The following CNTN4 variants were observed in gnomAD, a reference collection of about 807,000 sequenced individuals.
CNTN4 encodes contactin-4.
CNTN4 carries 77 observed loss-of-function variants against 122.5 expected under a neutral mutation model. That is an observed-to-expected ratio of 0.63 (90% CI 0.52 to 0.76). The LOEUF (loss-of-function observed/expected upper bound fraction) is 0.76. Ranked by LOEUF, CNTN4 falls within the 30% of genes least tolerant of loss-of-function variation. The pLI, the probability that CNTN4 is intolerant of heterozygous loss-of-function variation, is 0.00. For synonymous variants in CNTN4, 512 were observed against 447.0 expected, an observed-to-expected ratio of 1.15 and a Z score of -1.83; for missense variants, 1,256 against 1,259.1, an observed-to-expected ratio of 1.00 and a Z score of 0.04.
intron 2 of CNTN4, among the ~76,000 whole-genome samples, chr3:2,316,919 A>C (rs962915008): frequency 6.6e-5 from 10 of 152,132 alleles, no homozygotes; most frequent in African/African-American, 1.4e-4. Flanking sequence ...ACACCAATTA[A>C]GTTGACAGTG....
chr3:2,745,762 C>T lies in CNTN4; in HGVS notation c.358+65C>T, dbSNP rs1005509245. The T allele has an allele frequency of 2.2e-5, 31 of 1,405,018 alleles. No individual in the cohort carries two copies. The African/African-American group carries it at 3.7e-4, about 17-fold the overall frequency. 87.0% of individuals were successfully genotyped at this position (1,405,018 alleles called of 1,614,324 possible). Reference sequence around the variant, plus strand: ...GTTTGTGTACCATTATACCAATAAGCTTTTATAGCAGTTTCATTTTAGAGA... The same window carrying T: ...GTTTGTGTACCATTATACCAATAAGTTTTTATAGCAGTTTCATTTTAGAGA... On this transcript the variant is annotated intron_variant, in intron 6 of 24. Coordinates refer to ENST00000418658, the MANE Select transcript of CNTN4 (RefSeq NM_175607.3).
intron 2 of CNTN4, among the ~76,000 whole-genome samples, chr3:2,114,090 A>T (rs2033168649): frequency 6.6e-6 from 1 of 152,176 alleles, no homozygotes; most frequent in Non-Finnish European, 1.5e-5. Context: ...CATCGAGATG[A>T]TGGGAAAGAA....
chr3:2,770,164 G>T (rs1480067567), intron 6 of CNTN4, among the ~76,000 whole-genome samples: 1 of 151,992 alleles, frequency 6.6e-6, no homozygotes, highest in East Asian at 1.9e-4. Flanking sequence ...CGAGTAGCTG[G>T]GACTACAGGC....
chr3:2,589,695 C>T (rs1294496968), intron 4 of CNTN4, among the ~76,000 whole-genome samples: 1 of 152,224 alleles, frequency 6.6e-6, no homozygotes, highest in Non-Finnish European at 1.5e-5. Context: ...TCAGCTGGGG[C>T]TGCGGTTGCT....
intron 2 of CNTN4, among the ~76,000 whole-genome samples, chr3:2,194,648 T>G (rs1380002603): frequency 6.6e-6 from 1 of 151,918 alleles, no homozygotes; most frequent in Non-Finnish European, 1.5e-5. Flanking sequence ...CATACTGGAG[T>G]AGGGTGGGCC....
At chr3:2,300,017 C>G (rs952924288) in intron 2 of CNTN4, among the ~76,000 whole-genome samples, 11 of 152,032 alleles carry the variant, frequency 7.2e-5, no homozygotes, top group African/African-American at 2.7e-4. Flanking sequence ...GAAGGTAAGT[C>G]CCATAACAGC....
chr3:2,231,068 T>G (rs2149544227), intron 2 of CNTN4, among the ~76,000 whole-genome samples: 1 of 152,328 alleles, frequency 6.6e-6, no homozygotes, highest in Middle Eastern at 3.4e-3. Flanking sequence ...CACCAAAAAG[T>G]AAAATGAAAC....
intron 3 of CNTN4, among the ~76,000 whole-genome samples, chr3:2,364,873 T>A (rs920004451): frequency 1.3e-5 from 2 of 152,212 alleles, no homozygotes; most frequent in Admixed American, 6.5e-5. Flanking sequence ...TTTATTTTAC[T>A]TTTTGTTCTC....
chr3:2,186,932 TA>T (rs1210202458), intron 2 of CNTN4, among the ~76,000 whole-genome samples: 2 of 152,232 alleles, frequency 1.3e-5, no homozygotes, highest in East Asian at 3.8e-4. Flanking sequence ...TTAGTTTAAT[TA>T]GATCTCATTT....
intron 14 of CNTN4, among the ~76,000 whole-genome samples, chr3:3,024,992 C>T (rs994271956): frequency 7.9e-5 from 12 of 152,064 alleles, no homozygotes; most frequent in East Asian, 3.9e-4. Flanking sequence ...TTGATTGGCT[C>T]GGTTTGGTTT....
intron 3 of CNTN4, among the ~76,000 whole-genome samples, chr3:2,416,607 T>A (rs2047422237): frequency 6.6e-6 from 1 of 152,154 alleles, no homozygotes; most frequent in African/African-American, 2.4e-5. Context: ...CTTCTGAAAA[T>A]CGTGTATGAC....
At chr3:2,452,601 T>C (rs1405648696) in intron 3 of CNTN4, among the ~76,000 whole-genome samples, 2 of 152,182 alleles carry the variant, frequency 1.3e-5, no homozygotes, top group African/African-American at 4.8e-5. Context: ...GAAACTTAAA[T>C]GCATCCATAC....
At chr3:2,573,078 C>G (rs954994721) in intron 4 of CNTN4, among the ~76,000 whole-genome samples, 1 of 152,106 alleles carries the variant, frequency 6.6e-6, no homozygotes, top group African/African-American at 2.4e-5. Context: ...ATTCACAAAG[C>G]CAGTAAGTGG....
chr3:2,628,869 G>GT (rs1355038130), intron 4 of CNTN4, among the ~76,000 whole-genome samples: 2 of 152,046 alleles, frequency 1.3e-5, no homozygotes, highest in East Asian at 1.9e-4. Context: ...ACCCAAAAGG[G>GT]TTTTTTTGTT....
chr3:2,989,095 T>C (rs950028861), intron 14 of CNTN4: 2 of 152,710 alleles, frequency 1.3e-5, no homozygotes, highest in Non-Finnish European at 2.9e-5. Flanking sequence ...GTGAAACTAT[T>C]TCAATATTAG....
chr3:2,732,282 AG>A (rs2088748299), intron 4 of CNTN4, among the ~76,000 whole-genome samples: 1 of 152,324 alleles, frequency 6.6e-6, no homozygotes, highest in African/African-American at 2.4e-5. Flanking sequence ...GCTAGGTTAA[AG>A]GGCAGATTAA....
chr3:3,004,668 T>G (rs1239000878), intron 14 of CNTN4, among the ~76,000 whole-genome samples: 2 of 152,212 alleles, frequency 1.3e-5, no homozygotes, highest in Non-Finnish European at 1.5e-5. Flanking sequence ...GAAGACTAAA[T>G]TAGATGATGT....
At chr3:2,643,310 A>T (rs1334129322) in intron 4 of CNTN4, among the ~76,000 whole-genome samples, 1 of 152,100 alleles carries the variant, frequency 6.6e-6, no homozygotes, top group African/African-American at 2.4e-5. Context: ...ACTGGCTGCA[A>T]CTACAGGTCC....
chr3:2,164,012 G>C lies in CNTN4; in HGVS notation c.-145+63373G>C, dbSNP rs557710877. Among the ~76,000 whole-genome samples, 21 of 152,102 alleles carry C rather than the reference G, an allele frequency of 1.4e-4. No individual in the cohort carries two copies. The South Asian group carries it at 4.2e-3, about 30-fold the overall frequency. On this transcript the variant is annotated intron_variant, in intron 2 of 24. Coordinates refer to ENST00000418658, the MANE Select transcript of CNTN4 (RefSeq NM_175607.3). ...TATAACAATGATAAAATGGACTTTGGGGATTCAGGGGAAAGGGTAGGAGGT... is the reference window on the plus strand; with the variant it reads ...TATAACAATGATAAAATGGACTTTGCGGATTCAGGGGAAAGGGTAGGAGGT...
Sources: allele counts gnomAD v4.1 joint callset (sites outside exome capture counted in the v4.1 genomes callset), GRCh38; gene constraint gnomAD v4.1.1; transcripts MANE v1.5; gene names NCBI Gene and HGNC (gene_info 2026-07-23, HGNC 2026-07-21).